Variants in RASSF2 observed in about 807,000 individuals in gnomAD.
RASSF2 encodes Ras association domain family member 2, also known as ras association domain-containing protein 2.
In RASSF2, 34 loss-of-function variants were observed where a neutral mutation model predicts 46.3. The observed-to-expected ratio is 0.73, with a 90% CI of 0.56 to 0.98. The LOEUF (loss-of-function observed/expected upper bound fraction) is 0.98, where lower values mean the gene tolerates loss of function less well. Among genes scored for constraint, RASSF2 ranks in the 50% least tolerant of loss-of-function variants. RASSF2 has a pLI of 0.00. For synonymous variants in RASSF2, 158 were observed against 162.5 expected, an observed-to-expected ratio of 0.97 and a Z score of 0.21; for missense variants, 364 against 431.2, an observed-to-expected ratio of 0.84 and a Z score of 1.38.
intron 4 of RASSF2, 150 bp from the exon 5 acceptor site, chr20:4,796,116 C>A (rs1184662348): frequency 6.9e-6 from 5 of 721,258 alleles, no homozygotes; most frequent in South Asian, 4.3e-5. Context: ...CCAGTTCACA[C>A]CGCAGCTCTG....
chr20:4,784,595 A>G (rs1406657794), intron 11 of RASSF2, among the ~76,000 whole-genome samples: 1 of 11,744 alleles, frequency 8.5e-5, no homozygotes, highest in Admixed American at 8.9e-4. Flanking sequence ...ATCTAGCCAA[A>G]AAAAAAAAAA....
At chr20:4,791,186 G>C (rs1195030332) in intron 6 of RASSF2, among the ~76,000 whole-genome samples, 1 of 152,164 alleles carries the variant, frequency 6.6e-6, no homozygotes, top group Non-Finnish European at 1.5e-5. Context: ...TACACTGTAA[G>C]TACATTCTAG....
At chr20:4,821,226 A>G (rs1022546243) in intron 2 of RASSF2, among the ~76,000 whole-genome samples, 5 of 152,186 alleles carry the variant, frequency 3.3e-5, no homozygotes, top group Admixed American at 1.3e-4. Context: ...CGCCACACCA[A>G]CTGGGCTCCT....
chr20:4,796,781 C>T (rs1408585413), intron 4 of RASSF2, among the ~76,000 whole-genome samples: 1 of 152,196 alleles, frequency 6.6e-6, no homozygotes, highest in East Asian at 1.9e-4. Context: ...TAGGACATAA[C>T]CCAGGAAAGC....
At chr20:4,811,755 C>T (rs756084558) in intron 2 of RASSF2, among the ~76,000 whole-genome samples, 10 of 152,166 alleles carry the variant, frequency 6.6e-5, no homozygotes, top group Non-Finnish European at 1.2e-4. Flanking sequence ...AGCCAGAACC[C>T]CAGCCCCAGG....
At chr20:4,823,101 GC>G (rs1450391507) in intron 1 of RASSF2, among the ~76,000 whole-genome samples, 1 of 152,210 alleles carries the variant, frequency 6.6e-6, no homozygotes, top group Non-Finnish European at 1.5e-5. Context: ...GGGTCCGCGC[GC>G]CCCGGGAGCC....
chr20:4,803,821 A>G (rs1174062591), intron 2 of RASSF2, among the ~76,000 whole-genome samples: 2 of 151,490 alleles, frequency 1.3e-5, no homozygotes, highest in Non-Finnish European at 2.9e-5. Flanking sequence ...CACTTCAGGA[A>G]GCCGAGGAGG....
chr20:4,800,338 G>A (rs962278017), intron 3 of RASSF2, among the ~76,000 whole-genome samples: 7 of 152,154 alleles, frequency 4.6e-5, no homozygotes, highest in African/African-American at 1.2e-4. Flanking sequence ...CGGACAGGAC[G>A]GGGAGCAGTG....
intron 11 of RASSF2, among the ~76,000 whole-genome samples, chr20:4,785,920 C>G (rs559811447): frequency 2.9e-4 from 44 of 152,346 alleles, no homozygotes; most frequent in African/African-American, 8.7e-4. Context: ...GTCACCTTCC[C>G]TATTTCTGCA....
At chr20:4,791,746 T>C (rs553428209) in intron 6 of RASSF2, among the ~76,000 whole-genome samples, 60 of 152,346 alleles carry the variant, frequency 3.9e-4, no homozygotes, top group African/African-American at 1.1e-3. Flanking sequence ...GCAAACTCGT[T>C]TGTCATAGCA....
chr20:4,792,421 T>A (rs1038060261), intron 6 of RASSF2, 118 bp downstream of exon 6: 2 of 1,542,472 alleles, frequency 1.3e-6, no homozygotes, highest in East Asian at 4.9e-5. Flanking sequence ...TCTCTCCCTT[T>A]GTATCTTGAA....
chr20:4,807,784 A>G (rs1431786462), intron 2 of RASSF2, among the ~76,000 whole-genome samples: 1 of 152,206 alleles, frequency 6.6e-6, no homozygotes, highest in East Asian at 1.9e-4. Flanking sequence ...TTGGGAAAAA[A>G]GTGTTAAGAA....
intron 8 of RASSF2, 69 bp from the exon 9 acceptor site, chr20:4,788,337 C>A: frequency 1.4e-6 from 2 of 1,447,448 alleles, no homozygotes; most frequent in South Asian, 2.3e-5. Flanking sequence ...GGCTTTTCCT[C>A]TTCTTTAGCA....
chr20:4,796,701 C>T (rs528154172), intron 4 of RASSF2, among the ~76,000 whole-genome samples: 2 of 152,170 alleles, frequency 1.3e-5, no homozygotes, highest in African/African-American at 4.8e-5. Context: ...ATGTTCTATC[C>T]CGAAGAATTG....
intron 2 of RASSF2, among the ~76,000 whole-genome samples, chr20:4,819,995 C>T (rs1024222077): frequency 6.6e-6 from 1 of 152,140 alleles, no homozygotes; most frequent in East Asian, 1.9e-4. Flanking sequence ...TGATGACAGA[C>T]TTTAGAGTCT....
At chr20:4,805,245 G>C (rs1336735599) in intron 2 of RASSF2, among the ~76,000 whole-genome samples, 1 of 152,114 alleles carries the variant, frequency 6.6e-6, no homozygotes, top group Non-Finnish European at 1.5e-5. Flanking sequence ...GGATTATCTG[G>C]GGGGCCCTAA....
intron 2 of RASSF2, among the ~76,000 whole-genome samples, chr20:4,821,095 C>G (rs372291285): frequency 5.3e-5 from 8 of 152,050 alleles, no homozygotes; most frequent in African/African-American, 7.2e-5. Context: ...AACGCAGACA[C>G]GAAGCCTGGC....
At chr20:4,800,757 C>A (rs1203264676) in intron 3 of RASSF2, among the ~76,000 whole-genome samples, 1 of 152,110 alleles carries the variant, frequency 6.6e-6, no homozygotes, top group African/African-American at 2.4e-5. Flanking sequence ...TTTACTTCAC[C>A]TCCAGGCCAG....
chr20:4,819,854 G>A (rs114319360), intron 2 of RASSF2, among the ~76,000 whole-genome samples: 2,588 of 152,224 alleles, frequency 0.017, 90 homozygotes, highest in African/African-American at 0.059. Context: ...AACAGGAAAG[G>A]GCCTTGGAAG....
Sources: gnomAD v4.1 joint callset for allele counts (sites outside exome capture counted in the v4.1 genomes callset) on GRCh38, gnomAD v4.1.1 for gene constraint, MANE v1.5 for transcripts, NCBI Gene and HGNC (gene_info 2026-07-23, HGNC 2026-07-21) for gene names.